The following ASCC3 variants were observed in gnomAD, a reference collection of about 807,000 sequenced individuals.
ASCC3 encodes the protein activating signal cointegrator 1 complex subunit 3.
ASCC3 carries 158 observed loss-of-function variants against 256.3 expected under a neutral mutation model. That is an observed-to-expected ratio of 0.62 (90% CI 0.54 to 0.70). The LOEUF is 0.70. Among genes scored for constraint, ASCC3 ranks in the 30% least tolerant of loss-of-function variants. The pLI, the probability that ASCC3 is intolerant of heterozygous loss-of-function variation, is 0.00. For synonymous variants in ASCC3, 948 were observed against 883.4 expected (o/e 1.07, Z -1.30); for missense variants, 2,259 against 2,626.0 (o/e 0.86, Z 3.05).
At chr6:100,591,754 C>A (rs1182537556) in intron 34 of ASCC3, among the ~76,000 whole-genome samples, 2 of 151,948 alleles carry the variant, frequency 1.3e-5, no homozygotes, top group East Asian at 3.9e-4. Flanking sequence ...TTTTATCTAT[C>A]CATTTACTAG....
chr6:100,592,607 G>C (rs1050625279), intron 34 of ASCC3, among the ~76,000 whole-genome samples: 2 of 152,040 alleles, frequency 1.3e-5, no homozygotes, highest in African/African-American at 4.8e-5. Context: ...ATAAGGAATA[G>C]AGTACAGATT....
intron 36 of ASCC3, among the ~76,000 whole-genome samples, chr6:100,555,034 G>T (rs1769497682): frequency 6.6e-6 from 1 of 150,964 alleles, no homozygotes; most frequent in Non-Finnish European, 1.5e-5. Flanking sequence ...TAAAATAAAA[G>T]ACTATTATAA....
intron 2 of ASCC3, among the ~76,000 whole-genome samples, chr6:100,867,045 C>T (rs1054569538): frequency 6.6e-6 from 1 of 151,966 alleles, no homozygotes; most frequent in African/African-American, 2.4e-5. Context: ...TAAGTTTATC[C>T]ATCAGAAGAA....
At chr6:100,684,891 C>T (rs568823360) in intron 13 of ASCC3, among the ~76,000 whole-genome samples, 2 of 150,126 alleles carry the variant, frequency 1.3e-5, no homozygotes, top group Non-Finnish European at 3.0e-5. Context: ...ACTGCAAACT[C>T]CGCCTCCCGG....
chr6:100,799,328 A>G, intron 7 of ASCC3, 103 bp downstream of exon 7: 1 of 1,275,274 alleles, frequency 7.8e-7, no homozygotes, highest in Non-Finnish European at 1.1e-6. Context: ...AAAATTTAGC[A>G]TAGTCAACTA....
intron 37 of ASCC3, among the ~76,000 whole-genome samples, chr6:100,524,199 T>C (rs375003206): frequency 6.6e-6 from 1 of 152,272 alleles, no homozygotes; most frequent in South Asian, 2.1e-4. Flanking sequence ...ATATTCTGTC[T>C]TGCTTCAAAA....
intron 36 of ASCC3, among the ~76,000 whole-genome samples, chr6:100,569,539 T>A (rs183469140): frequency 4.7e-4 from 71 of 152,000 alleles, no homozygotes; most frequent in Non-Finnish European, 3.1e-4. Flanking sequence ...CCCACCAACA[T>A]GCCAGGCTAA....
intron 14 of ASCC3, among the ~76,000 whole-genome samples, chr6:100,669,640 C>T (rs543968185): frequency 6.6e-6 from 1 of 151,764 alleles, no homozygotes; most frequent in Non-Finnish European, 1.5e-5. Context: ...AATTCTACAA[C>T]TGAAGAATAA....
At chr6:100,710,746 A>G (rs900226935) in intron 13 of ASCC3, among the ~76,000 whole-genome samples, 2 of 152,168 alleles carry the variant, frequency 1.3e-5, no homozygotes, top group African/African-American at 4.8e-5. Context: ...TAGAAGATAT[A>G]ACTGCTACTT....
intron 36 of ASCC3, among the ~76,000 whole-genome samples, chr6:100,556,823 A>G (rs1463545509): frequency 6.6e-6 from 1 of 151,994 alleles, no homozygotes; most frequent in Non-Finnish European, 1.5e-5. Flanking sequence ...ATAGGAGCTA[A>G]AGAGTGAACA....
intron 10 of ASCC3, among the ~76,000 whole-genome samples, chr6:100,749,460 C>A (rs1780838328): frequency 6.6e-6 from 1 of 151,786 alleles, no homozygotes; most frequent in Non-Finnish European, 1.5e-5. Flanking sequence ...GAATATTATC[C>A]TTTTAGAATC....
intron 36 of ASCC3, among the ~76,000 whole-genome samples, chr6:100,584,774 G>A (rs1188195781): frequency 1.3e-5 from 2 of 151,866 alleles, no homozygotes; most frequent in Non-Finnish European, 2.9e-5. Flanking sequence ...TGTAGGGCAG[G>A]GCTGGTGGTG....
chr6:100,668,429 A>T (rs1283141152), intron 14 of ASCC3, among the ~76,000 whole-genome samples: 1 of 152,090 alleles, frequency 6.6e-6, no homozygotes, highest in Non-Finnish European at 1.5e-5. Context: ...TAGAAGTGAC[A>T]GAAAACTCTA....
At position 100,848,416 on chromosome 6, in the gene ASCC3, T is replaced by G. The variant is rs768052591; in HGVS notation, c.533A>C (p.His178Pro). 1 of 1,612,890 alleles carries G rather than the reference T, an allele frequency of 6.2e-7. No homozygotes were observed. Among genetic ancestry groups the G allele is most frequent in the South Asian group, 1.1e-5 (1 of 90,694 alleles). Residue 178 changes from histidine to proline, a missense_variant, in exon 4 of 42, where the codon CAC becomes CCC. By Grantham distance (77) the His-to-Pro change is moderately conservative. Around this residue, in one of 2 missense-constraint regions of ASCC3, gnomAD observed 420 missense variants for 419.3 expected, o/e 1.00. Transcript: ENST00000369162. ...AFSFDMHDLD[H>P]FDELPINGET... is the part of the protein sequence containing the mutation. ...ACCATTTATTGGCAGTTCGTCAAAG[T>G]GGTCCAAATCATGCATGTCAAATGA...
At chr6:100,707,118 A>C (rs1171811768) in intron 13 of ASCC3, among the ~76,000 whole-genome samples, 1 of 152,092 alleles carries the variant, frequency 6.6e-6, no homozygotes, top group African/African-American at 2.4e-5. Context: ...CATATTTACC[A>C]CAGACTTCCC....
intron 4 of ASCC3, among the ~76,000 whole-genome samples, chr6:100,841,450 A>T (rs1405881334): frequency 2.0e-5 from 3 of 152,196 alleles, no homozygotes; most frequent in African/African-American, 7.2e-5. Context: ...GCTTAACATC[A>T]ACAAATGGCA....
At chr6:100,640,937 A>G (rs1362944421) in intron 24 of ASCC3, among the ~76,000 whole-genome samples, 1 of 152,180 alleles carries the variant, frequency 6.6e-6, no homozygotes, top group East Asian at 1.9e-4. Flanking sequence ...TGAGGACTAT[A>G]TTTTTATTCT....
In ASCC3 at chr6:100,873,851, G is replaced by A. The variant is rs529211591; in HGVS notation, c.-41-5813C>T. Among the ~76,000 whole-genome samples the A allele has an allele frequency of 3.3e-5, 5 of 152,256 alleles. No individual in the cohort carries two copies. The South Asian group carries it at 8.3e-4, about 25-fold the overall frequency. ...CTCAGAACACGCCACTACCAAGCCA[G>A]CACTACAAAAACTGCTAAAAAGAGC... On this transcript the variant is annotated intron_variant, in intron 1 of 41. Transcript: ENST00000369162.
chr6:100,606,748 G>T lies in ASCC3; in HGVS notation c.5036C>A (p.Pro1679His). The change falls in exon 32 of 42, where the codon CCC (proline) becomes CAC (histidine). Residue 1679 changes from proline to histidine, a missense_variant. Around this residue, in one of 2 missense-constraint regions of ASCC3, gnomAD observed 1,839 missense variants for 2,206.7 expected, o/e 0.83. Transcript: ENST00000369162. Reference sequence around the variant, plus strand: ...GAATTTAAGAAAATTACCTGTAATGGGAAAATCCACATAACGTCTTGTTTT... The same window carrying T: ...GAATTTAAGAAAATTACCTGTAATGTGAAAATCCACATAACGTCTTGTTTT... The part of the protein sequence containing the change: ...DGKTRRYVDF[P>H]ITDVLQMMGR... The T allele has an allele frequency of 6.3e-7, 1 of 1,599,864 alleles. No homozygotes were observed. Among genetic ancestry groups the T allele is most frequent in the Non-Finnish European group, 8.5e-7 (1 of 1,175,870 alleles).
Sources: allele counts gnomAD v4.1 joint callset (sites outside exome capture counted in the v4.1 genomes callset), GRCh38; gene constraint gnomAD v4.1.1; regional missense constraint gnomAD v4.1.1; transcripts MANE v1.5; gene names NCBI Gene and HGNC (gene_info 2026-07-23, HGNC 2026-07-21).